MLLT3: variants seen among roughly 807,000 people sequenced by gnomAD.
MLLT3 encodes the protein MLLT3 super elongation complex subunit, also known as protein AF-9.
MLLT3 carries 4 observed loss-of-function variants against 53.2 expected under a neutral mutation model. That is an observed-to-expected ratio of 0.08 (90% confidence interval 0.04 to 0.17). The LOEUF (loss-of-function observed/expected upper bound fraction) is 0.17, where lower values mean the gene tolerates loss of function less well. MLLT3 is among the 10% of genes least tolerant of loss of function. The pLI is 1.00. For missense variants in MLLT3, 569 were observed against 684.0 expected (o/e 0.83, Z 1.87); for synonymous variants, 283 against 230.6 (o/e 1.23, Z -2.06).
chr9:20,441,599 C>T (rs1056754624), intron 4 of MLLT3, among the ~76,000 whole-genome samples: 1 of 152,198 alleles, frequency 6.6e-6, no homozygotes, highest in East Asian at 1.9e-4. Flanking sequence ...CAGCCTGCTT[C>T]GTCTTACATT....
At chr9:20,347,459 C>G (rs1289118898) in intron 10 of MLLT3, among the ~76,000 whole-genome samples, 7 of 152,150 alleles carry the variant, frequency 4.6e-5, no homozygotes, top group Non-Finnish European at 7.3e-5. Context: ...CTCCAACTTT[C>G]AGAAAAATGT....
intron 4 of MLLT3, among the ~76,000 whole-genome samples, chr9:20,423,640 C>T (rs1823070765): frequency 6.8e-6 from 1 of 147,816 alleles, no homozygotes; most frequent in African/African-American, 2.5e-5. Context: ...CAGTGAGACC[C>T]TATCTCTACA....
chr9:20,590,399 C>T (rs916337581), intron 2 of MLLT3, among the ~76,000 whole-genome samples: 2 of 152,308 alleles, frequency 1.3e-5, no homozygotes, highest in Non-Finnish European at 2.9e-5. Context: ...CATGCGGAGG[C>T]AGGGCCCCAG....
chr9:20,517,988 G>A (rs1039102539), intron 2 of MLLT3, among the ~76,000 whole-genome samples: 4 of 152,172 alleles, frequency 2.6e-5, no homozygotes, highest in African/African-American at 9.7e-5. Flanking sequence ...AATAAAATGA[G>A]CAATAATAGT....
In MLLT3 at chr9:20,386,228, C is replaced by A. The variant is rs150036852; in HGVS notation, c.1126-20484G>T. On this transcript the variant is annotated intron_variant, in intron 5 of 10. Transcript: ENST00000380338. Reference sequence around the variant, plus strand: ...GTAAGTAAATACAAGAATGGTGTTACCAGTCAGTTTATGTTTAGGGCAAGT... The same window carrying A: ...GTAAGTAAATACAAGAATGGTGTTAACAGTCAGTTTATGTTTAGGGCAAGT... Among the ~76,000 whole-genome samples, 8 of 152,232 alleles carry A rather than the reference C, an allele frequency of 5.3e-5. 1 individual carries two copies. The highest frequency in any genetic ancestry group is 1.9e-4 in the African/African-American group (8 of 41,530).
chr9:20,437,067 A>G (rs758009373), intron 4 of MLLT3, among the ~76,000 whole-genome samples: 2 of 152,172 alleles, frequency 1.3e-5, no homozygotes, highest in Non-Finnish European at 2.9e-5. Flanking sequence ...TTTGAAAAAA[A>G]GGGCTGTGCT....
At chr9:20,444,095 C>A (rs181705226) in intron 4 of MLLT3, among the ~76,000 whole-genome samples, 9 of 152,228 alleles carry the variant, frequency 5.9e-5, no homozygotes, top group Non-Finnish European at 1.2e-4. Flanking sequence ...TTTCATCTAT[C>A]TTATAGTAAT....
intron 2 of MLLT3, among the ~76,000 whole-genome samples, chr9:20,588,433 A>G (rs773478966): frequency 9.2e-5 from 14 of 152,062 alleles, no homozygotes; most frequent in Non-Finnish European, 2.1e-4. Flanking sequence ...TACCTTGGGC[A>G]GTATGGCCAT....
chr9:20,522,253 C>G (rs1587021621), intron 2 of MLLT3, among the ~76,000 whole-genome samples: 1 of 137,142 alleles, frequency 7.3e-6, no homozygotes, highest in African/African-American at 2.7e-5. Flanking sequence ...ATAAGACAGC[C>G]AAAGTCATCC....
At chr9:20,357,979 G>GCA (rs1491136011) in intron 8 of MLLT3, among the ~76,000 whole-genome samples, 2,221 of 137,844 alleles carry the variant, frequency 0.016, 80 homozygotes, top group Admixed American at 0.079. Flanking sequence ...CCTCCCTCCT[G>GCA]CGCACACACA....
At chr9:20,474,680 C>G (rs1363648555) in intron 2 of MLLT3, among the ~76,000 whole-genome samples, 1 of 151,646 alleles carries the variant, frequency 6.6e-6, no homozygotes, top group Non-Finnish European at 1.5e-5. Context: ...GTTTGACCAA[C>G]GAGGGGAAAA....
intron 3 of MLLT3, among the ~76,000 whole-genome samples, chr9:20,455,662 T>C (rs1823948163): frequency 6.6e-6 from 1 of 152,186 alleles, no homozygotes; most frequent in African/African-American, 2.4e-5. Flanking sequence ...TACCTGACTT[T>C]TCAGCAGGTT....
intron 10 of MLLT3, among the ~76,000 whole-genome samples, chr9:20,349,267 T>C (rs911623740): frequency 6.6e-6 from 1 of 152,232 alleles, no homozygotes; most frequent in African/African-American, 2.4e-5. Context: ...CCTGTTCTAC[T>C]TGTACAAGTT....
At position 20,413,865 on chromosome 9, in the gene MLLT3, T is replaced by A; in HGVS notation, c.981A>T (p.Ile327=). ...ILTCSADKKQ[I]KDKSHVKMGK... is the part of the protein sequence containing the mutation. ...CCATCTTGACATGAGATTTATCTTT[T>A]ATCTGTTTTTTGTCAGCAGAACAAG... The change falls in exon 5 of 11, where the codon ATA becomes ATT. Residue 327 remains isoleucine, a synonymous_variant. Coordinates refer to ENST00000380338, the MANE Select transcript of MLLT3 (RefSeq NM_004529.4). The A allele has an allele frequency of 6.2e-7, 1 of 1,614,114 alleles. No individual in the cohort carries two copies. The highest frequency in any genetic ancestry group is 8.5e-7 in the Non-Finnish European group (1 of 1,180,032).
intron 2 of MLLT3, among the ~76,000 whole-genome samples, chr9:20,476,108 G>A (rs542581028): frequency 4.0e-5 from 6 of 151,846 alleles, no homozygotes; most frequent in Non-Finnish European, 7.4e-5. Flanking sequence ...TGTCACCCAG[G>A]CTGGAGTGCA....
At chr9:20,354,743 G>T in intron 9 of MLLT3, 65 bp downstream of exon 9, 1 of 1,058,156 alleles carries the variant, frequency 9.5e-7, no homozygotes, top group Non-Finnish European at 1.5e-6. Context: ...ATGATCAAGG[G>T]CAACACAAAG....
At chr9:20,352,646 T>C (rs1272197558) in intron 10 of MLLT3, among the ~76,000 whole-genome samples, 2 of 150,604 alleles carry the variant, frequency 1.3e-5, no homozygotes, top group African/African-American at 2.5e-5. Flanking sequence ...TTTGAGAGTA[T>C]ATATTTATAG....
intron 9 of MLLT3, 119 bp downstream of exon 9, chr9:20,354,689 T>A: frequency 1.4e-6 from 1 of 700,486 alleles, no homozygotes; most frequent in Non-Finnish European, 2.5e-6. Flanking sequence ...CATTTGGGCA[T>A]CTTGGACACT....
intron 2 of MLLT3, among the ~76,000 whole-genome samples, chr9:20,485,052 A>G (rs1435438799): frequency 6.6e-6 from 1 of 151,396 alleles, no homozygotes; most frequent in East Asian, 1.9e-4. Context: ...GCAGTGGCGC[A>G]ATCTTGGCTC....
Sources: gnomAD v4.1 joint callset for allele counts (sites outside exome capture counted in the v4.1 genomes callset) on GRCh38, gnomAD v4.1.1 for gene constraint, MANE v1.5 for transcripts, NCBI Gene and HGNC (gene_info 2026-07-23, HGNC 2026-07-21) for gene names.